The following CFTR variants were observed in gnomAD, a reference collection of about 807,000 sequenced individuals.
CFTR encodes cystic fibrosis transmembrane conductance regulator.
In CFTR, 181 loss-of-function variants were observed where a neutral mutation model predicts 171.6. The ratio of observed to expected loss-of-function variants is 1.05; its 90% CI spans 0.93 to 1.19. The LOEUF (loss-of-function observed/expected upper bound fraction) is 1.19. CFTR is among the 50% of genes most tolerant of loss of function. CFTR has a pLI of 0.00. For synonymous variants in CFTR, 583 were observed against 608.0 expected (o/e 0.96, Z 0.60); for missense variants, 1,968 against 1,734.7 (o/e 1.13, Z -2.39).
chr7:117,535,158 CT>C, intron 5 of CFTR, 89 bp from the exon 6 acceptor site: 1 of 1,398,430 alleles, frequency 7.2e-7, no homozygotes, highest in Admixed American at 1.7e-5. Context: ...ATATAAGCTC[CT>C]TTTACTTGCT....
intron 15 of CFTR, among the ~76,000 whole-genome samples, chr7:117,599,600 A>G (rs1036158193): frequency 2.0e-5 from 3 of 152,168 alleles, no homozygotes; most frequent in Admixed American, 6.5e-5. Context: ...ATAATGTAAT[A>G]TATGATGAAT....
chr7:117,598,126 A>G (rs1435569246), intron 15 of CFTR, among the ~76,000 whole-genome samples: 3 of 152,210 alleles, frequency 2.0e-5, no homozygotes, highest in Non-Finnish European at 4.4e-5. Context: ...TAAGACAGAG[A>G]TCCAGCTTTT....
At chr7:117,661,039 A>G (rs1793271693) in intron 24 of CFTR, among the ~76,000 whole-genome samples, 1 of 152,214 alleles carries the variant, frequency 6.6e-6, no homozygotes, top group African/African-American at 2.4e-5. Context: ...TTATCAGCAC[A>G]TGTGATTGGT....
intron 17 of CFTR, among the ~76,000 whole-genome samples, chr7:117,605,567 C>T (rs1339343250): frequency 6.6e-6 from 1 of 151,900 alleles, no homozygotes; most frequent in Non-Finnish European, 1.5e-5. Flanking sequence ...TCAAGTATGT[C>T]CAGAGGAGGA....
chr7:117,518,300 C>A (rs1208196890), intron 3 of CFTR, among the ~76,000 whole-genome samples: 2 of 145,374 alleles, frequency 1.4e-5, no homozygotes, highest in Non-Finnish European at 1.5e-5. Context: ...ATATATAATA[C>A]AATATATATT....
chr7:117,660,253 G>A (rs1380261511), intron 24 of CFTR, among the ~76,000 whole-genome samples: 2 of 152,054 alleles, frequency 1.3e-5, no homozygotes, highest in African/African-American at 4.8e-5. Context: ...TAATTTTGAA[G>A]TCTTCTTAGT....
chr7:117,573,226 T>C (rs1252454468), intron 11 of CFTR, among the ~76,000 whole-genome samples: 5 of 152,152 alleles, frequency 3.3e-5, no homozygotes, highest in African/African-American at 1.2e-4. Flanking sequence ...ATTATAAACA[T>C]TTATGTGAAA....
At chr7:117,603,196 G>A (rs1369562209) in intron 16 of CFTR, among the ~76,000 whole-genome samples, 1 of 152,060 alleles carries the variant, frequency 6.6e-6, no homozygotes, top group Non-Finnish European at 1.5e-5. Context: ...AAAATAAAAT[G>A]AATAAATTGT....
rs188038048 is a variant in CFTR, at chr7:117,519,161, C to T, written c.273+10019C>T. ...GAAAGGTAGATTTTTTTCTGAGATT[C>T]TGTTCTAGGTGTGGTATATGTGTAT... On this transcript the variant is annotated intron_variant, in intron 3 of 26. Transcript: ENST00000003084. Among the ~76,000 whole-genome samples, 93 of 152,108 alleles carry T rather than the reference C, an allele frequency of 6.1e-4. No individual in the cohort carries two copies. The highest frequency in any genetic ancestry group is 3.0e-3 in the Admixed American group (46 of 15,268).
chr7:117,579,013 G>A (rs1200230696), intron 11 of CFTR, among the ~76,000 whole-genome samples: 1 of 151,848 alleles, frequency 6.6e-6, no homozygotes, highest in Non-Finnish European at 1.5e-5. Flanking sequence ...TATATGATAA[G>A]ATGGCTGGAT....
chr7:117,604,097 G>A (rs1251399572), intron 17 of CFTR, among the ~76,000 whole-genome samples: 3 of 152,022 alleles, frequency 2.0e-5, no homozygotes, highest in Admixed American at 6.6e-5. Context: ...CTCTCTTCTG[G>A]GCATCTTGTT....
At chr7:117,499,124 G>A (rs1027814875) in intron 1 of CFTR, among the ~76,000 whole-genome samples, 2 of 151,920 alleles carry the variant, frequency 1.3e-5, no homozygotes, top group African/African-American at 4.8e-5. Flanking sequence ...TTAAATACAT[G>A]GAAGCATGAT....
intron 11 of CFTR, among the ~76,000 whole-genome samples, chr7:117,567,697 G>T (rs776141341): frequency 6.6e-6 from 1 of 152,178 alleles, no homozygotes; most frequent in Non-Finnish European, 1.5e-5. Flanking sequence ...GGGGGGCAAA[G>T]ATATCATTCG....
chr7:117,538,776 G>A (rs564934763), intron 7 of CFTR, among the ~76,000 whole-genome samples: 16 of 152,148 alleles, frequency 1.1e-4, no homozygotes, highest in Non-Finnish European at 2.4e-4. Context: ...GCAGAACCAG[G>A]ATTCAAAGCC....
rs397508718 is a variant in CFTR at position 117,531,070 on chromosome 7, G to A, written c.445G>A (p.Gly149Arg). The A allele has an allele frequency of 6.2e-7, 1 of 1,613,624 alleles. No homozygotes were observed. Among genetic ancestry groups the A allele is most frequent in the Non-Finnish European group, 8.5e-7 (1 of 1,179,804 alleles). ...AGCCATTTTTGGCCTTCATCACATTGGAATGCAGATGAGAATAGCTATGTT... is the reference window on the plus strand; with the variant it reads ...AGCCATTTTTGGCCTTCATCACATTAGAATGCAGATGAGAATAGCTATGTT... Reference protein sequence around the residue: ...HPAIFGLHHIGMQMRIAMFSL... With the variant: ...HPAIFGLHHIRMQMRIAMFSL... Residue 149 changes from glycine to arginine, a missense_variant, in exon 4 of 27, where the codon GGA becomes AGA. Physicochemically the swap from Gly to Arg is moderately radical, Grantham distance 125 (BLOSUM62 -2). Transcript: ENST00000003084.
At chr7:117,626,083 T>C (rs951953046) in intron 21 of CFTR, among the ~76,000 whole-genome samples, 1 of 152,126 alleles carries the variant, frequency 6.6e-6, no homozygotes. Context: ...TCTTGAATAA[T>C]TGCTGAAGAC....
chr7:117,520,709 A>G (rs1275193725), intron 3 of CFTR, among the ~76,000 whole-genome samples: 1 of 151,952 alleles, frequency 6.6e-6, no homozygotes, highest in Non-Finnish European at 1.5e-5. Context: ...CTGACACATT[A>G]TTCTTATTCC....
intron 23 of CFTR, 24 bp downstream of exon 23, chr7:117,642,617 A>G (rs764558626): frequency 1.9e-6 from 3 of 1,611,990 alleles, no homozygotes; most frequent in South Asian, 2.2e-5. Context: ...CTTAGCCAGA[A>G]AAAAGGCAAC....
intron 1 of CFTR, among the ~76,000 whole-genome samples, chr7:117,490,868 A>G (rs1056379801): frequency 3.3e-5 from 5 of 152,058 alleles, no homozygotes; most frequent in Non-Finnish European, 5.9e-5. Flanking sequence ...TCTCTGAATT[A>G]TGAAGGTCAC....
Sources: gnomAD v4.1 joint callset for allele counts (sites outside exome capture counted in the v4.1 genomes callset) on GRCh38, gnomAD v4.1.1 for gene constraint, MANE v1.5 for transcripts, NCBI Gene and HGNC (gene_info 2026-07-23, HGNC 2026-07-21) for gene names.